Variants in PTPN11 observed in about 807,000 individuals in gnomAD.
PTPN11 encodes the protein protein tyrosine phosphatase non-receptor type 11.
A neutral mutation model predicts 78.8 loss-of-function variants in PTPN11; 6 were observed. That is an observed-to-expected ratio of 0.08 (90% CI 0.04 to 0.15). PTPN11 has a LOEUF of 0.15. Among genes scored for constraint, PTPN11 ranks in the 10% least tolerant of loss-of-function variants. PTPN11 has a pLI of 1.00. For missense variants in PTPN11, 386 were observed against 744.8 expected, an observed-to-expected ratio of 0.52 and a Z score of 5.61; for synonymous variants, 221 against 263.5, an observed-to-expected ratio of 0.84 and a Z score of 1.56.
intron 14 of PTPN11, among the ~76,000 whole-genome samples, chr12:112,502,728 T>C (rs529508876): frequency 3.3e-5 from 5 of 152,238 alleles, no homozygotes; most frequent in African/African-American, 1.2e-4. Flanking sequence ...GCCTGGGCGA[T>C]AGAGTGAGCC....
chr12:112,502,024 G>T (rs564807667), intron 13 of PTPN11, 120 bp from the exon 14 acceptor site: 2 of 748,418 alleles, frequency 2.7e-6, no homozygotes, highest in South Asian at 3.0e-5. Flanking sequence ...TTCTCAACCC[G>T]TCTATCAATT....
chr12:112,485,638 A>G (rs1206498092), intron 10 of PTPN11, among the ~76,000 whole-genome samples: 1 of 152,240 alleles, frequency 6.6e-6, no homozygotes, highest in Non-Finnish European at 1.5e-5. Flanking sequence ...ATCTGATAGC[A>G]AAGCCTGTTT....
intron 13 of PTPN11, among the ~76,000 whole-genome samples, chr12:112,500,967 C>T (rs1227420451): frequency 1.3e-5 from 2 of 151,630 alleles, no homozygotes; most frequent in African/African-American, 4.8e-5. Flanking sequence ...TGCAGTGGTG[C>T]GATCATAGCT....
At position 112,506,797 on chromosome 12, in the gene PTPN11, CG is replaced by C. The variant is rs146940557; in HGVS notation, c.*1006del. On this transcript the variant is annotated 3_prime_UTR_variant, in exon 16 of 16. Coordinates refer to ENST00000351677, the MANE Select transcript of PTPN11 (RefSeq NM_002834.5). ...CTGCAGTCCTGAGTCTCTCCTTCTT[CG>C]TGTAGTCTCTTTCAGTGGCCTGGCT... 8,936 of 155,968 alleles carry C rather than the reference CG, an allele frequency of 0.057. 340 individuals carry two copies. The highest frequency in any genetic ancestry group is 0.16 in the Middle Eastern group (48 of 306). 9.7% of individuals were successfully genotyped at this position (155,968 alleles called of 1,614,324 possible).
intron 3 of PTPN11, 130 bp from the exon 4 acceptor site, chr12:112,453,065 C>G (rs2038100335): frequency 1.3e-6 from 1 of 797,028 alleles, no homozygotes; most frequent in African/African-American, 1.7e-5. Context: ...TGGGATTGAT[C>G]AATCCCTTGG....
At chr12:112,469,673 C>T (rs1419408295) in intron 6 of PTPN11, among the ~76,000 whole-genome samples, 1 of 152,016 alleles carries the variant, frequency 6.6e-6, no homozygotes, top group African/African-American at 2.4e-5. Context: ...TGCCACCACT[C>T]CCAGCTAATT....
intron 7 of PTPN11, among the ~76,000 whole-genome samples, chr12:112,474,548 G>T (rs1385870538): frequency 1.3e-5 from 2 of 151,892 alleles, no homozygotes; most frequent in Non-Finnish European, 2.9e-5. Flanking sequence ...ATGCCACCTG[G>T]CAAAGCCCAA....
chr12:112,431,761 C>T (rs183816634), intron 1 of PTPN11, among the ~76,000 whole-genome samples: 1 of 152,166 alleles, frequency 6.6e-6, no homozygotes, highest in Non-Finnish European at 1.5e-5. Flanking sequence ...CAAGGGCGTT[C>T]TGTGCTAAAC....
At chr12:112,480,383 T>C (rs1566182430) in intron 9 of PTPN11, among the ~76,000 whole-genome samples, 1 of 151,600 alleles carries the variant, frequency 6.6e-6, no homozygotes, top group East Asian at 1.9e-4. Flanking sequence ...TTTTTTTTTT[T>C]TGGGACTGTA....
chr12:112,488,221 C>A (rs757911746), intron 11 of PTPN11, among the ~76,000 whole-genome samples: 2 of 152,178 alleles, frequency 1.3e-5, no homozygotes, highest in Non-Finnish European at 2.9e-5. Context: ...AAGGGACTTA[C>A]CTCAGGCACG....
At chr12:112,488,940 C>G in intron 12 of PTPN11, 84 bp from the exon 13 acceptor site, 1 of 1,546,752 alleles carries the variant, frequency 6.5e-7, no homozygotes, top group Non-Finnish European at 8.9e-7. Flanking sequence ...AGCATTGTCT[C>G]TGAGTCCACT....
At chr12:112,477,616 A>C (rs766941184) in intron 7 of PTPN11, 35 bp from the exon 8 acceptor site, 23 of 1,538,608 alleles carry the variant, frequency 1.5e-5, no homozygotes, top group Admixed American at 8.3e-5. Context: ...GAAGCAGTCC[A>C]GGACTTATGT....
chr12:112,478,873 C>T (rs1386673001), intron 9 of PTPN11, among the ~76,000 whole-genome samples: 1 of 152,170 alleles, frequency 6.6e-6, no homozygotes. Context: ...GCTGGGACTA[C>T]AGGTGCGTGC....
At chr12:112,445,278 TCC>T (rs1269560681) in intron 1 of PTPN11, among the ~76,000 whole-genome samples, 14 of 152,012 alleles carry the variant, frequency 9.2e-5, no homozygotes, top group Non-Finnish European at 1.5e-4. Flanking sequence ...ATTACAGGTG[TCC>T]ACCACCACGC....
At chr12:112,448,236 A>T (rs2038023888) in intron 2 of PTPN11, among the ~76,000 whole-genome samples, 1 of 146,242 alleles carries the variant, frequency 6.8e-6, no homozygotes, top group Admixed American at 6.8e-5. Context: ...TTTTTGAGAC[A>T]ATCTTGCTCT....
Position 112,466,586 on chromosome 12 carries a change from A to G in PTPN11, c.757-6358A>G, listed in dbSNP as rs570407600. ...AGGCTGATCTCAAACTCCTGACCTC[A>G]GGTGATCCTCCTGCCTCAGCCTCCC... On this transcript the variant is annotated intron_variant, in intron 6 of 15. Coordinates refer to ENST00000351677, the MANE Select transcript of PTPN11 (RefSeq NM_002834.5). 7.2e-5 allele frequency among the ~76,000 whole-genome samples: 11 copies of G among 152,288 alleles called. No individual in the cohort carries two copies. In the South Asian group the frequency reaches 2.3e-3, roughly 32 times the overall value.
intron 14 of PTPN11, 76 bp downstream of exon 14, chr12:112,502,332 A>C: frequency 4.1e-6 from 5 of 1,233,996 alleles, no homozygotes; most frequent in Non-Finnish European, 6.0e-6. Flanking sequence ...AAACAAAAAC[A>C]AAACACAAGT....
chr12:112,429,267 C>T (rs1357722380), intron 1 of PTPN11, among the ~76,000 whole-genome samples: 1 of 152,138 alleles, frequency 6.6e-6, no homozygotes, highest in Non-Finnish European at 1.5e-5. Context: ...TCTCCAGCCT[C>T]TGTGCTAAAT....
chr12:112,454,218 CAA>C (rs1167928555), intron 4 of PTPN11, among the ~76,000 whole-genome samples: 1 of 152,112 alleles, frequency 6.6e-6, no homozygotes, highest in Middle Eastern at 3.2e-3. Flanking sequence ...CTCTTGGGCT[CAA>C]GTGATTCTCG....
Sources: gnomAD v4.1 joint callset for allele counts (sites outside exome capture counted in the v4.1 genomes callset) on GRCh38, gnomAD v4.1.1 for gene constraint, MANE v1.5 for transcripts, NCBI Gene and HGNC (gene_info 2026-07-23, HGNC 2026-07-21) for gene names.